The following CPT1A variants were observed in gnomAD, a reference collection of about 807,000 sequenced individuals.
CPT1A encodes carnitine O-palmitoyltransferase 1, liver isoform.
CPT1A carries 64 observed loss-of-function variants against 100.8 expected under a neutral mutation model. That is an observed-to-expected ratio of 0.63 (90% CI 0.52 to 0.78). The LOEUF (loss-of-function observed/expected upper bound fraction) is 0.78. Ranked by LOEUF, CPT1A falls within the 30% of genes least tolerant of loss-of-function variation. The pLI is 0.00. For synonymous variants in CPT1A, 363 were observed against 396.0 expected (o/e 0.92, Z 0.99); for missense variants, 802 against 1,034.1 (o/e 0.78, Z 3.08).
chr11:68,773,605 C>G (rs995860857), intron 13 of CPT1A, 176 bp from the exon 14 acceptor site: 2 of 1,152,488 alleles, frequency 1.7e-6, no homozygotes, highest in African/African-American at 3.1e-5. Flanking sequence ...TCCCTGACCC[C>G]GGAGGAGCAG....
intron 3 of CPT1A, among the ~76,000 whole-genome samples, chr11:68,810,044 G>A (rs1426831536): frequency 1.3e-5 from 2 of 152,226 alleles, no homozygotes; most frequent in African/African-American, 4.8e-5. Context: ...TGGGCATGGT[G>A]GCATGTGCCT....
At chr11:68,768,527 G>T (rs1242396886) in intron 14 of CPT1A, among the ~76,000 whole-genome samples, 1 of 152,060 alleles carries the variant, frequency 6.6e-6, no homozygotes. Flanking sequence ...TCCCGCCTCA[G>T]CCTCTCAAGT....
At chr11:68,842,306 C>T (rs1240676933), upstream of CPT1A, among the ~76,000 whole-genome samples, 1 of 152,134 alleles carries the variant, frequency 6.6e-6, no homozygotes, top group Non-Finnish European at 1.5e-5. Context: ...TACCCCACAT[C>T]ACCGAGCTGA....
At chr11:68,812,198 C>T (rs1462191508) in intron 3 of CPT1A, among the ~76,000 whole-genome samples, 1 of 152,170 alleles carries the variant, frequency 6.6e-6, no homozygotes, top group Non-Finnish European at 1.5e-5. Flanking sequence ...CAAGGGGTGC[C>T]CCAGGGCCAC....
chr11:68,799,254 C>A lies in CPT1A; in HGVS notation c.657G>T (p.Trp219Cys). Residue 219 changes from tryptophan to cysteine, a missense_variant, in exon 6 of 19, where the codon TGG becomes TGT. By Grantham distance (215) the Trp-to-Cys change is radical. Coordinates refer to ENST00000265641, the MANE Select transcript of CPT1A (RefSeq NM_001876.4). ...FAVGLGPRLQWYLKLKSWWAT... is the reference protein window; with the variant it reads ...FAVGLGPRLQCYLKLKSWWAT... ...CCCACCAGGATTTTAACTTCAAATA[C>A]CACTGTAATCTTGGTCCAAGACCGA... 6.2e-7 allele frequency: 1 copy of A among 1,614,010 alleles called. No individual in the cohort carries two copies. The highest frequency in any genetic ancestry group is 2.2e-5 in the East Asian group (1 of 44,886).
chr11:68,760,423 G>T, intron 16 of CPT1A, 85 bp from the exon 17 acceptor site: 1 of 1,093,798 alleles, frequency 9.1e-7, no homozygotes, highest in African/African-American at 1.6e-5. Flanking sequence ...GAAAAGCCTG[G>T]CTTGGTCTTT....
intron 12 of CPT1A, 136 bp downstream of exon 12, chr11:68,780,504 G>A (rs1855277706): frequency 1.4e-6 from 1 of 712,240 alleles, no homozygotes; most frequent in South Asian, 1.5e-5. Context: ...GGCTGGTCTT[G>A]AACTCCTGAC....
chr11:68,778,091 T>C, intron 12 of CPT1A, among the ~76,000 whole-genome samples: 1 of 152,122 alleles, frequency 6.6e-6, no homozygotes, highest in East Asian at 1.9e-4. Context: ...TATGTTTTTT[T>C]TTTTCCTTTT....
Position 68,756,118 on chromosome 11 carries a change from A to AG in CPT1A, c.*1525_*1526insC, listed in dbSNP as rs1946689313. The AG allele has an allele frequency of 6.6e-6, 1 of 152,548 alleles. No homozygotes were observed. Among genetic ancestry groups the AG allele is most frequent in the Admixed American group, 6.6e-5 (1 of 15,154 alleles). 9.4% of individuals were successfully genotyped at this position (152,548 alleles called of 1,614,324 possible). A position where few individuals can be genotyped will look rare whatever the true frequency, so the allele number is the denominator to read the frequency against. On this transcript the variant is annotated 3_prime_UTR_variant, in exon 19 of 19. Coordinates refer to ENST00000265641, the MANE Select transcript of CPT1A (RefSeq NM_001876.4). ...CAAGAGTGAAACTCCATCTCAAAAA[A>AG]AAAAAAAAAAAAAAAGGCACGTGTT... is the stretch of plus-strand genomic sequence containing the variant.
intron 2 of CPT1A, among the ~76,000 whole-genome samples, chr11:68,814,095 G>A (rs1856306424): frequency 6.6e-6 from 1 of 151,700 alleles, no homozygotes; most frequent in African/African-American, 2.4e-5. Context: ...GGGGTCAGCG[G>A]GGGGGGATTT....
chr11:68,821,007 T>A (rs535359885), intron 1 of CPT1A, among the ~76,000 whole-genome samples: 43 of 152,294 alleles, frequency 2.8e-4, no homozygotes, highest in Admixed American at 1.4e-3. Context: ...GTATATATAT[T>A]TTTTTGAGAC....
In CPT1A at chr11:68,795,393, A is replaced by G. The variant is rs183789096; in HGVS notation, c.772-482T>C. ...CTACATTTTGGAAGAGTCTATGTAC[A>G]CACCATGTCCCCATTGATGTAGAAA... On this transcript the variant is annotated intron_variant, in intron 7 of 18. Transcript: ENST00000265641. Among the ~76,000 whole-genome samples, 315 of 152,360 alleles carry G rather than the reference A, an allele frequency of 2.1e-3. 1 individual carries two copies. Among genetic ancestry groups the G allele is most frequent in the African/African-American group, 7.1e-3 (294 of 41,580 alleles).
At chr11:68,815,629 T>G in intron 1 of CPT1A, 142 bp from the exon 2 acceptor site, 1 of 782,140 alleles carries the variant, frequency 1.3e-6, no homozygotes, top group Non-Finnish European at 2.1e-6. Flanking sequence ...AACAGACCAA[T>G]TCCATCACCA....
intron 10 of CPT1A, among the ~76,000 whole-genome samples, chr11:68,784,394 C>CT (rs998111172): frequency 6.6e-6 from 1 of 152,136 alleles, no homozygotes; most frequent in African/African-American, 2.4e-5. Context: ...AACCCTGTCT[C>CT]TACTAGGCAT....
rs57450875 is a variant in CPT1A at position 68,800,490 on chromosome 11, C to CAA, written c.556-1137_556-1136dup. Among the ~76,000 whole-genome samples the CAA allele has an allele frequency of 1.0e-3, 81 of 78,966 alleles. 1 individual carries two copies. Among genetic ancestry groups the CAA allele is most frequent in the Non-Finnish European group, 9.8e-4 (34 of 34,626 alleles). The allele number at this position is 78,966 out of a possible 152,430, so 51.8% of individuals were successfully genotyped here. On this transcript the variant is annotated intron_variant, in intron 5 of 18. Coordinates refer to ENST00000265641, the MANE Select transcript of CPT1A (RefSeq NM_001876.4). ...AACAGAGTGAGACCCCCCATCTCTGCAAAAAAAAAAAAAAAAAATACAAAA... is the reference window on the plus strand; with the variant it reads ...AACAGAGTGAGACCCCCCATCTCTGCAAAAAAAAAAAAAAAAAAAATACAAAA...
At chr11:68,768,614 C>T (rs1037447609) in intron 14 of CPT1A, among the ~76,000 whole-genome samples, 3 of 151,792 alleles carry the variant, frequency 2.0e-5, no homozygotes, top group Non-Finnish European at 4.4e-5. Flanking sequence ...CCATGTTGTC[C>T]AGGCTGGTCT....
At chr11:68,796,807 C>T (rs201879351) in intron 7 of CPT1A, 49 bp downstream of exon 7, 33 of 1,583,396 alleles carry the variant, frequency 2.1e-5, no homozygotes, top group Admixed American at 1.2e-4. Flanking sequence ...TGGACAGACC[C>T]GCCGCCCCAC....
At chr11:68,768,216 C>T (rs1251398119) in intron 14 of CPT1A, among the ~76,000 whole-genome samples, 4 of 151,284 alleles carry the variant, frequency 2.6e-5, no homozygotes, top group African/African-American at 9.7e-5. Flanking sequence ...GCTGGGAGTA[C>T]AGGCGCCCGC....
Position 68,841,879 on chromosome 11 carries a change from G to A in CPT1A, c.-118C>T, listed in dbSNP as rs1415168016. ...GGGAGCCGGGGAAGGAGGGCCGCGG[G>A]CGAGGCCGAGCGCACCCGACGCCGG... On this transcript the variant is annotated 5_prime_UTR_variant, in exon 1 of 19. Transcript: ENST00000265641. The surrounding 1 kb of genome is among the most constrained non-coding windows in gnomAD (Gnocchi z 6.3). 9 of 986,702 alleles carry A rather than the reference G, an allele frequency of 9.1e-6. No individual in the cohort carries two copies. Among genetic ancestry groups the A allele is most frequent in the South Asian group, 4.5e-5 (1 of 22,170 alleles). The allele number at this position is 986,702 out of a possible 1,614,324, so 61.1% of individuals were successfully genotyped here.
Sources: allele counts gnomAD v4.1 joint callset (sites outside exome capture counted in the v4.1 genomes callset), GRCh38; gene constraint gnomAD v4.1.1; non-coding constraint Gnocchi (gnomAD v3.1); transcripts MANE v1.5; gene names NCBI Gene and HGNC (gene_info 2026-07-23, HGNC 2026-07-21).